Variants in FAT1 observed in about 807,000 individuals in gnomAD.
FAT1 encodes the protein protocadherin Fat 1.
In FAT1, 171 loss-of-function variants were observed where a neutral mutation model predicts 329.8. That is an observed-to-expected ratio of 0.52 (90% CI 0.46 to 0.59). The LOEUF is 0.59. FAT1 is among the 20% of genes least tolerant of loss of function. FAT1 has a pLI of 0.00. For missense variants in FAT1, 5,672 were observed against 5,774.4 expected, an observed-to-expected ratio of 0.98 and a Z score of 0.57; for synonymous variants, 2,233 against 2,228.6, an observed-to-expected ratio of 1.00 and a Z score of -0.06.
chr4:186,602,774 T>C, intron 20 of FAT1, 129 bp downstream of exon 20: 1 of 1,033,992 alleles, frequency 9.7e-7, no homozygotes, highest in South Asian at 1.7e-5. Flanking sequence ...TCTTTATTCA[T>C]CTCCACATCT....
upstream of FAT1, chr4:186,726,376 C>T (rs1435463000): frequency 1.3e-5 from 2 of 152,276 alleles, no homozygotes; most frequent in Non-Finnish European, 2.9e-5. Context: ...GTCCTCGGCC[C>T]TGGGCTCTAA....
rs2126522087 is a variant in FAT1, at chr4:186,621,092, C to G, written c.5494G>C (p.Val1832Leu). 6.2e-7 allele frequency: 1 copy of G among 1,613,642 alleles called. No homozygotes were observed. Among genetic ancestry groups the G allele is most frequent in the Non-Finnish European group, 8.5e-7 (1 of 1,179,886 alleles). Residue 1832 changes from valine (V) to leucine (L), a missense_variant, in exon 10 of 27, where the codon GTA (valine) becomes CTA (leucine). This residue lies in a region of FAT1 where 3,966 missense variants were observed against 3,915.2 expected (regional missense o/e 1.01). Transcript: ENST00000441802. The stretch of plus-strand genomic sequence containing the variant: ...GTTTCTTCATAGTCCAGACTTAGTA[C>G]TGTATGAATAGCACCAGTGCTAGAA... ...IDSSTGAIHT[V>L]LSLDYEETSI...
At chr4:186,680,945 A>C (rs776880781) in intron 2 of FAT1, among the ~76,000 whole-genome samples, 13 of 152,330 alleles carry the variant, frequency 8.5e-5, no homozygotes, top group Non-Finnish European at 1.3e-4. Flanking sequence ...ATACTATCTC[A>C]GAGTTAATGA....
At chr4:186,682,252 C>T (rs949167357) in intron 2 of FAT1, among the ~76,000 whole-genome samples, 10 of 152,100 alleles carry the variant, frequency 6.6e-5, no homozygotes, top group African/African-American at 2.2e-4. Flanking sequence ...GTTAGCCGGG[C>T]GCGGTGGCTC....
Position 186,723,698 on chromosome 4 carries a change from G to A in FAT1, c.-53C>T, listed in dbSNP as rs1745570183. 1 of 151,452 alleles carries A rather than the reference G, an allele frequency of 6.6e-6. No homozygotes were observed. The highest frequency in any genetic ancestry group is 2.4e-5 in the African/African-American group (1 of 41,206). 9.4% of individuals were successfully genotyped at this position (151,452 alleles called of 1,614,324 possible). On this transcript the variant is annotated 5_prime_UTR_variant, in exon 1 of 27. The change creates a new upstream start codon in the 5' untranslated region. Coordinates refer to ENST00000441802, the MANE Select transcript of FAT1 (RefSeq NM_005245.4). The stretch of plus-strand genomic sequence containing the variant: ...GGCCCGAAGTGGCGACGGCGCTCTC[G>A]TGGAGCTCACCCGCCGTCTCAGCGC...
At chr4:186,677,856 A>G (rs1284818240) in intron 2 of FAT1, among the ~76,000 whole-genome samples, 1 of 152,194 alleles carries the variant, frequency 6.6e-6, no homozygotes, top group African/African-American at 2.4e-5. Flanking sequence ...TGGAGACATT[A>G]AAAGACTATA....
At chr4:186,702,252 T>C (rs542341818) in intron 2 of FAT1, among the ~76,000 whole-genome samples, 1 of 152,368 alleles carries the variant, frequency 6.6e-6, no homozygotes, top group African/African-American at 2.4e-5. Context: ...ACGGCTGTAC[T>C]TCCATATTAA....
Position 186,620,691 on chromosome 4 carries a change from G to C in FAT1, c.5895C>G (p.Val1965=). The change falls in exon 10 of 27, where the codon GTC becomes GTG. Residue 1965 remains valine (V), a synonymous_variant. Coordinates refer to ENST00000441802, the MANE Select transcript of FAT1 (RefSeq NM_005245.4). The stretch of plus-strand genomic sequence containing the variant: ...CTTTGCTTTCTTTCACATTAATTTT[G>C]ACAGAGGTAAGGCCGGCAAATCTGC... The part of the protein sequence containing the change: ...SDGRFAGLTS[V]KINVKESKES... 6.2e-7 allele frequency: 1 copy of C among 1,613,926 alleles called. No homozygotes were observed. The highest frequency in any genetic ancestry group is 1.1e-5 in the South Asian group (1 of 91,066).
Position 186,620,460 on chromosome 4 carries a change from CT to C in FAT1, c.6125del (p.Glu2042GlyfsTer10). 6.2e-7 allele frequency: 1 copy of C among 1,614,034 alleles called. No homozygotes were observed. Among genetic ancestry groups the C allele is most frequent in the Non-Finnish European group, 8.5e-7 (1 of 1,179,906 alleles). On this transcript the variant is annotated frameshift_variant, in exon 10 of 27. Coordinates refer to ENST00000441802, the MANE Select transcript of FAT1 (RefSeq NM_005245.4). LOFTEE classifies it high-confidence loss of function. ...CAACCACATCAAACGCCTCCTGCTG[CT>C]CACGATCGAAGGGCGTGCCAGTGGT... ...LSTTGTPFDR[E>X]QQEAFDVVVE... is the part of the protein sequence containing the mutation.
chr4:186,712,731 TAG>T (rs1187398892), intron 1 of FAT1, among the ~76,000 whole-genome samples: 2 of 152,162 alleles, frequency 1.3e-5, no homozygotes, highest in Admixed American at 6.5e-5. Context: ...TGGGGAAACG[TAG>T]AGTGTTCAAT....
At position 186,603,989 on chromosome 4, in the gene FAT1, G is replaced by C. The variant is rs1738967079; in HGVS notation, c.10549-12C>G. The C allele has an allele frequency of 1.3e-6, 2 of 1,593,660 alleles. No homozygotes were observed. Among genetic ancestry groups the C allele is most frequent in the East Asian group, 2.2e-5 (1 of 44,608 alleles). On this transcript the variant is annotated splice_polypyrimidine_tract_variant and intron_variant, in intron 18 of 26. Coordinates refer to ENST00000441802, the MANE Select transcript of FAT1 (RefSeq NM_005245.4). The stretch of plus-strand genomic sequence containing the variant: ...CCATTATCTGCCACCTACAAGAAAA[G>C]AAAAATAAAATCACCTTTGTCTATG...
rs748575240 is a variant in FAT1, at chr4:186,618,299, C to A, written c.8287G>T (p.Glu2763Ter). The change falls in exon 10 of 27, where the codon GAG (glutamate) becomes TAG (stop). Residue 2763 changes from glutamate (E) to a stop codon, truncating the protein, a stop_gained. Transcript: ENST00000441802. LOFTEE classifies it high-confidence loss of function. ...IDRQSGRLKL[E>*]KSLDHETTKW... ...GTTGTCTCATGATCAAGACTCTTCT[C>A]CAACTTCAGTCTCCCGCTCTGTCTG... 6.2e-7 allele frequency: 1 copy of A among 1,614,014 alleles called. No individual in the cohort carries two copies. Among genetic ancestry groups the A allele is most frequent in the Non-Finnish European group, 8.5e-7 (1 of 1,179,888 alleles).
intron 3 of FAT1, among the ~76,000 whole-genome samples, chr4:186,659,466 T>C (rs759545348): frequency 6.6e-6 from 1 of 152,212 alleles, no homozygotes; most frequent in Middle Eastern, 3.2e-3. Flanking sequence ...AATGTGTTTA[T>C]CCAAAGGCAC....
rs774458628 is a variant in FAT1 at position 186,588,651 on chromosome 4, C to T, written c.13708G>A (p.Gly4570Ser). The T allele has an allele frequency of 3.4e-5, 55 of 1,613,864 alleles. No individual in the cohort carries two copies. The Middle Eastern group carries it at 1.8e-3, about 53-fold the overall frequency. Residue 4570 changes from glycine to serine, a missense_variant, in exon 27 of 27, where the codon GGC becomes AGC. Coordinates refer to ENST00000441802, the MANE Select transcript of FAT1 (RefSeq NM_005245.4). ...GGGATCGTCACCTCTTCGAAGTGGC[C>T]GTCGTCCCCGCTCTCATAGTCACTC... Reference protein sequence around the residue: ...MMSDYESGDDGHFEEVTIPPL... With the variant: ...MMSDYESGDDSHFEEVTIPPL...
intron 2 of FAT1, among the ~76,000 whole-genome samples, chr4:186,692,319 A>T (rs540330214): frequency 0.011 from 1,711 of 150,696 alleles, 41 homozygotes; most frequent in African/African-American, 0.041. Context: ...TTATTTATTT[A>T]TTTATTTTTT....
At chr4:186,710,439 A>T (rs1744897735) in intron 1 of FAT1, among the ~76,000 whole-genome samples, 1 of 152,222 alleles carries the variant, frequency 6.6e-6, no homozygotes, top group Non-Finnish European at 1.5e-5. Context: ...TTCACTCCCT[A>T]CATAATGTAA....
intron 1 of FAT1, among the ~76,000 whole-genome samples, chr4:186,716,775 C>T (rs765934512): frequency 3.3e-4 from 50 of 152,148 alleles, no homozygotes; most frequent in Admixed American, 6.5e-4. Context: ...GAATTGTAAA[C>T]GAGTTTTTTT....
intron 2 of FAT1, among the ~76,000 whole-genome samples, chr4:186,687,949 G>C (rs1743552746): frequency 1.3e-5 from 2 of 151,910 alleles, no homozygotes; most frequent in Admixed American, 1.3e-4. Flanking sequence ...AGTTCACCAG[G>C]GTTCTAGGTA....
rs368224090 is a variant in FAT1 at position 186,602,921 on chromosome 4, T to G, written c.11464A>C (p.Arg3822=). ...CTCTCACCTGGGCACTGACCAAACC[T>G]GCCGCTGGGACAGACACAGGTGTGT... ...EKHTCVCPSG[R]FGQCPGSSSM... The change falls in exon 20 of 27, where the codon AGG becomes CGG. Residue 3822 remains arginine (R), a synonymous_variant. Coordinates refer to ENST00000441802, the MANE Select transcript of FAT1 (RefSeq NM_005245.4). The G allele has an allele frequency of 1.2e-6, 2 of 1,613,820 alleles. No individual in the cohort carries two copies. Among genetic ancestry groups the G allele is most frequent in the African/African-American group, 2.7e-5 (2 of 74,914 alleles).
Sources: gnomAD v4.1 joint callset for allele counts (sites outside exome capture counted in the v4.1 genomes callset) on GRCh38, gnomAD v4.1.1 for gene constraint, gnomAD v4.1.1 regional missense constraint, MANE v1.5 for transcripts, NCBI Gene and HGNC (gene_info 2026-07-23, HGNC 2026-07-21) for gene names.